The following PCSK4 variants were observed in gnomAD, a reference collection of about 807,000 sequenced individuals.
PCSK4 encodes proprotein convertase subtilisin/kexin type 4.
PCSK4 carries 64 observed loss-of-function variants against 80.3 expected under a neutral mutation model. The observed-to-expected ratio is 0.80, with a 90% CI of 0.65 to 0.98. The LOEUF (loss-of-function observed/expected upper bound fraction) is 0.98, where lower values mean the gene tolerates loss of function less well. Among genes scored for constraint, PCSK4 ranks in the 50% least tolerant of loss-of-function variants. The pLI, the probability that PCSK4 is intolerant of heterozygous loss-of-function variation, is 0.00. For missense variants in PCSK4, 1,213 were observed against 1,093.6 expected (o/e 1.11, Z -1.54); for synonymous variants, 561 against 487.6 (o/e 1.15, Z -1.98).
At chr19:1,481,812 G>A (rs377189780) in exon 15 of PCSK4, 4 of 1,527,806 alleles carry the variant, frequency 2.6e-6, no homozygotes, top group African/African-American at 2.8e-5. Context: ...GCCCTGGCAC[G>A]GGAGAGCCAG....
intron 2 of PCSK4, among the ~76,000 whole-genome samples, chr19:1,489,424 G>A (rs1425360297): frequency 6.6e-6 from 1 of 152,174 alleles, no homozygotes; most frequent in Non-Finnish European, 1.5e-5. Context: ...GTGAGCCACC[G>A]CGCCGGGCCA....
In PCSK4 at chr19:1,487,712, G is replaced by A. The variant is rs368225258; in HGVS notation, c.594-21C>T. ...CGTGCCTGGTGCCAGGGCCAAGAGG[G>A]GCTCCTGTCACGGCCTCCATCCCCC... On this transcript the variant is annotated intron_variant, in intron 5 of 14. Coordinates refer to ENST00000300954, the Ensembl canonical transcript of PCSK4. The A allele has an allele frequency of 7.7e-6, 12 of 1,551,304 alleles. No individual in the cohort carries two copies. In the African/African-American group the frequency reaches 1.4e-4, roughly 18 times the overall value.
intron 2 of PCSK4, 43 bp from the exon 3 acceptor site, chr19:1,488,323 C>G (rs1568223132): frequency 6.6e-7 from 1 of 1,521,726 alleles, no homozygotes; most frequent in Admixed American, 1.8e-5. Context: ...CTGCTCGCCC[C>G]TGGGGCCCCT....
At position 1,487,951 on chromosome 19, in the gene PCSK4, C is replaced by T. The variant is rs764093156; in HGVS notation, c.516+13G>A. The T allele has an allele frequency of 1.1e-5, 17 of 1,603,514 alleles. No individual in the cohort carries two copies. The highest frequency in any genetic ancestry group is 1.3e-5 in the Non-Finnish European group (15 of 1,172,850). ...CTGGGGCAGCCCTCGCCCACAGCCA[C>T]CCGCGGTCTCACGTAGTTGGCCCAG... On this transcript the variant is annotated intron_variant, in intron 4 of 14. Coordinates refer to ENST00000300954, the Ensembl canonical transcript of PCSK4.
rs149457286 is a variant in PCSK4, at chr19:1,488,219, G to A, written c.356C>T (p.Thr119Met). Residue 119 changes from threonine to methionine, a missense_variant, in exon 3 of 15, where the codon ACG (threonine) becomes ATG (methionine). Transcript: ENST00000300954. ...CCACTGCTTGGAGAACCAGGGGTCC[G>A]TGGGCACCACGACAGAGCGTTTCAC... 7.5e-4 allele frequency: 1,217 copies of A among 1,613,426 alleles called. 4 individuals are homozygous for A. The highest frequency in any genetic ancestry group is 1.4e-3 in the South Asian group (128 of 91,084).
chr19:1,482,542 C>T (rs1312000741), intron 13 of PCSK4, 67 bp from the exon 14 acceptor site: 3 of 1,545,588 alleles, frequency 1.9e-6, no homozygotes, highest in South Asian at 2.4e-5. Flanking sequence ...CCTGGTAGTC[C>T]CCGGGCTCCC....
intron 2 of PCSK4, 35 bp from the exon 3 acceptor site, chr19:1,488,315 G>C: frequency 6.4e-7 from 1 of 1,561,710 alleles, no homozygotes; most frequent in Admixed American, 1.7e-5. Flanking sequence ...CCTGTCCCCT[G>C]CTCGCCCCTG....
In PCSK4 at chr19:1,484,008, G is replaced by A. The variant is rs1383507323; in HGVS notation, c.1169+19C>T. On this transcript the variant is annotated intron_variant, in intron 9 of 14. Transcript: ENST00000300954. ...CGCCTGGGGGCGAGGGCGGTGGACC[G>A]GGCCCCGCAGTCACCTACTTGGCCT... 3 of 1,518,174 alleles carry A rather than the reference G, an allele frequency of 2.0e-6. No individual in the cohort carries two copies. Among genetic ancestry groups the A allele is most frequent in the East Asian group, 2.5e-5 (1 of 39,554 alleles). The allele number at this position is 1,518,174 out of a possible 1,614,324, so 94.0% of individuals were successfully genotyped here.
chr19:1,483,402 A>T (rs1341067298), exon 12 of PCSK4: 2 of 1,601,086 alleles, frequency 1.2e-6, no homozygotes, highest in East Asian at 4.5e-5. Context: ...GAGCGGATGG[A>T]GTTGTGGAGG....
At chr19:1,485,826 G>C (rs1053136674) in intron 8 of PCSK4, among the ~76,000 whole-genome samples, 15 of 151,890 alleles carry the variant, frequency 9.9e-5, no homozygotes, top group Non-Finnish European at 1.9e-4. Context: ...AGCTGAGATC[G>C]CGCCACTGCA....
At chr19:1,481,713 G>A in exon 15 of PCSK4, 2 of 1,360,050 alleles carry the variant, frequency 1.5e-6, no homozygotes, top group South Asian at 1.5e-5. Context: ...AGCAGTGCCT[G>A]TCAGGGACCC....
chr19:1,483,230 C>G, intron 12 of PCSK4, 54 bp downstream of exon 12: 1 of 1,453,818 alleles, frequency 6.9e-7, no homozygotes, highest in African/African-American at 1.4e-5. Context: ...GGGTAGATGG[C>G]AGCGTTTACC....
Position 1,483,477 on chromosome 19 carries a change from G to A in PCSK4, c.1392-14C>T. 4 of 1,569,672 alleles carry A rather than the reference G, an allele frequency of 2.5e-6. No individual in the cohort carries two copies. Among genetic ancestry groups the A allele is most frequent in the South Asian group, 1.1e-5 (1 of 88,910 alleles). On this transcript the variant is annotated splice_polypyrimidine_tract_variant and intron_variant, in intron 11 of 14. Transcript: ENST00000300954. ...GGCAGGATGGGGCTGAGGGGGTCGAGGGGTGAGGACCCTCCTGCGGCCTGC... is the reference window on the plus strand; with the variant it reads ...GGCAGGATGGGGCTGAGGGGGTCGAAGGGTGAGGACCCTCCTGCGGCCTGC...
chr19:1,484,168 G>A (rs767719254), intron 8 of PCSK4, 41 bp from the exon 9 acceptor site: 3 of 1,112,996 alleles, frequency 2.7e-6, no homozygotes, highest in African/African-American at 1.5e-5. Flanking sequence ...GCCGTGCACA[G>A]TGAGAATACA....
chr19:1,482,050 G>A lies in PCSK4; in HGVS notation c.1977C>T (p.Cys659=), dbSNP rs749904208. The change falls in exon 15 of 15, where the codon TGC becomes TGT. Residue 659 remains cysteine (C), a synonymous_variant. Transcript: ENST00000300954. ...TGCAGTCCCTCGGGGAGCCGCCGCG[G>A]CAGGTGTAGCAGGAGGCATGGCAGC... The A allele has an allele frequency of 2.6e-6, 4 of 1,557,076 alleles. No homozygotes were observed. The African/African-American group carries it at 5.4e-5, about 21-fold the overall frequency.
chr19:1,482,188 G>A (rs1450086013), exon 15 of PCSK4: 4 of 1,546,960 alleles, frequency 2.6e-6, no homozygotes, highest in Non-Finnish European at 3.5e-6. Context: ...GTCCCAGGAT[G>A]TAGGCGGGGC....
rs767492089 is a variant in PCSK4 at position 1,489,550 on chromosome 19, C to T, written c.294+243G>A. On this transcript the variant is annotated intron_variant, in intron 2 of 14. Transcript: ENST00000300954. ...TCCCTCCTTACCAGAGCCCCTGGGG[C>T]CCAGAGGAGGGAGGGGGAGGACAAG... 2.9e-5 allele frequency: 17 copies of T among 595,878 alleles called. No individual in the cohort carries two copies. The East Asian group carries it at 3.1e-4, about 11-fold the overall frequency. 36.9% of individuals were successfully genotyped at this position (595,878 alleles called of 1,614,324 possible).
intron 13 of PCSK4, 44 bp from the exon 14 acceptor site, chr19:1,482,519 T>C: frequency 6.3e-7 from 1 of 1,575,402 alleles, no homozygotes. Flanking sequence ...AAGGAGGCTC[T>C]CGGCAGCCTG....
At chr19:1,483,994 G>T (rs1011252816) in intron 9 of PCSK4, 33 bp downstream of exon 9, 2 of 1,493,550 alleles carry the variant, frequency 1.3e-6, no homozygotes, top group South Asian at 2.4e-5. Flanking sequence ...GCCTGGGGGC[G>T]AGGGCGGTGG....
Sources: allele counts gnomAD v4.1 joint callset (sites outside exome capture counted in the v4.1 genomes callset), GRCh38; gene constraint gnomAD v4.1.1; transcripts MANE v1.5; gene names NCBI Gene and HGNC (gene_info 2026-07-23, HGNC 2026-07-21).